The following TNFSF12 variants were observed in gnomAD, a reference collection of about 807,000 sequenced individuals.
TNFSF12 encodes tumor necrosis factor ligand superfamily member 12.
TNFSF12 carries 16 observed loss-of-function variants against 31.2 expected under a neutral mutation model. The ratio of observed to expected loss-of-function variants is 0.51; its 90% CI spans 0.35 to 0.78. The LOEUF (loss-of-function observed/expected upper bound fraction) is 0.78. Ranked by LOEUF, TNFSF12 falls within the 30% of genes least tolerant of loss-of-function variation. The pLI is 0.01. For synonymous variants in TNFSF12, 150 were observed against 151.4 expected, an observed-to-expected ratio of 0.99 and a Z score of 0.07; for missense variants, 324 against 338.8, an observed-to-expected ratio of 0.96 and a Z score of 0.34.
At position 7,550,340 on chromosome 17, in the gene TNFSF12, C is replaced by A; in HGVS notation, c.283+145C>A. 2 of 1,250,996 alleles carry A rather than the reference C, an allele frequency of 1.6e-6. No homozygotes were observed. The allele number at this position is 1,250,996 out of a possible 1,614,324, so 77.5% of individuals were successfully genotyped here. A position where few individuals can be genotyped will look rare whatever the true frequency, so the allele number is the denominator to read the frequency against. On this transcript the variant is annotated intron_variant, in intron 3 of 6. Transcript: ENST00000293825. The surrounding 1 kb of genome is among the most constrained non-coding windows in gnomAD (Gnocchi z 4.4). ...CTCAAACCTAGGGATTCTCGCCCTC[C>A]TCTGAAGCTCCTTCTGTCATATGGA...
At position 7,549,455 on chromosome 17, in the gene TNFSF12, G is replaced by C; in HGVS notation, c.160-19G>C. On this transcript the variant is annotated intron_variant, in intron 1 of 6. Coordinates refer to ENST00000293825, the MANE Select transcript of TNFSF12 (RefSeq NM_003809.3). This position sits in a 1 kb window ranked among gnomAD's most constrained non-coding sequence, Gnocchi z 4.1. ...GTCAGGTGGAGCGGCACAGGGTGAC[G>C]CTCCCTCCTTCCCAGCAGGAGCCTG... 2.7e-6 allele frequency: 4 copies of C among 1,502,944 alleles called. No homozygotes were observed. The highest frequency in any genetic ancestry group is 2.5e-5 in the South Asian group (2 of 79,076). The allele number at this position is 1,502,944 out of a possible 1,614,324, so 93.1% of individuals were successfully genotyped here.
chr17:7,557,034 A>G lies in TNFSF12; in HGVS notation c.499-65A>G. On this transcript the variant is annotated intron_variant, in intron 6 of 6. Coordinates refer to ENST00000293825, the MANE Select transcript of TNFSF12 (RefSeq NM_003809.3). This position sits in a 1 kb window ranked among gnomAD's most constrained non-coding sequence, Gnocchi z 5.2. Reference sequence around the variant, plus strand: ...GTGGGATGGGATGCCTGCGTCGCTGAGGAAATTGGAAATTGAGGCGAGGGC... The same window carrying G: ...GTGGGATGGGATGCCTGCGTCGCTGGGGAAATTGGAAATTGAGGCGAGGGC... The G allele has an allele frequency of 6.4e-7, 1 of 1,557,702 alleles. No individual in the cohort carries two copies. Among genetic ancestry groups the G allele is most frequent in the Non-Finnish European group, 8.7e-7 (1 of 1,147,566 alleles).
In TNFSF12 at chr17:7,550,061, G is replaced by C; in HGVS notation, c.208-59G>C. 1 of 1,613,004 alleles carries C rather than the reference G, an allele frequency of 6.2e-7. No individual in the cohort carries two copies. Among genetic ancestry groups the C allele is most frequent in the Admixed American group, 1.7e-5 (1 of 59,962 alleles). Reference sequence around the variant, plus strand: ...GCTGGTGGCTCTCCTGACAGGCCCCGTATGTCTCACTTTATATCTCTGGGA... The same window carrying C: ...GCTGGTGGCTCTCCTGACAGGCCCCCTATGTCTCACTTTATATCTCTGGGA... On this transcript the variant is annotated intron_variant, in intron 2 of 6. Coordinates refer to ENST00000293825, the MANE Select transcript of TNFSF12 (RefSeq NM_003809.3). This position sits in a 1 kb window ranked among gnomAD's most constrained non-coding sequence, Gnocchi z 4.4.
At chr17:7,556,974 A>G in intron 6 of TNFSF12, 72 bp downstream of exon 6, 1 of 1,528,762 alleles carries the variant, frequency 6.5e-7, no homozygotes, top group South Asian at 1.3e-5. Context: ...AGTGGGGGAC[A>G]AGCTACAGGG....
Position 7,550,309 on chromosome 17 carries a change from C to A in TNFSF12, c.283+114C>A. The A allele has an allele frequency of 6.6e-7, 1 of 1,505,272 alleles. No homozygotes were observed. Among genetic ancestry groups the A allele is most frequent in the Non-Finnish European group, 9.1e-7 (1 of 1,097,992 alleles). 93.2% of individuals were successfully genotyped at this position (1,505,272 alleles called of 1,614,324 possible). A position where few individuals can be genotyped will look rare whatever the true frequency, so the allele number is the denominator to read the frequency against. On this transcript the variant is annotated intron_variant, in intron 3 of 6. Transcript: ENST00000293825. The surrounding 1 kb of genome is among the most constrained non-coding windows in gnomAD (Gnocchi z 4.4). ...AGTTCAGAGTCATGCAGCTAACCAG[C>A]CAAGACTCAAACCTAGGGATTCTCG...
intron 5 of TNFSF12, among the ~76,000 whole-genome samples, chr17:7,555,186 CAAT>C (rs2071046884): frequency 6.6e-6 from 1 of 151,812 alleles, no homozygotes; most frequent in African/African-American, 2.4e-5. Context: ...ATGACAAGAA[CAAT>C]AATAAAAGTG....
In TNFSF12 at chr17:7,556,855, G is replaced by A. The variant is rs750825866; in HGVS notation, c.451G>A (p.Gly151Arg). 9 of 1,556,572 alleles carry A rather than the reference G, an allele frequency of 5.8e-6. No individual in the cohort carries two copies. Among genetic ancestry groups the A allele is most frequent in the African/African-American group, 4.1e-5 (3 of 73,000 alleles). Residue 151 changes from glycine (G) to arginine (R), a missense_variant, in exon 6 of 7, where the codon GGG (glycine) becomes AGG (arginine). Physicochemically the swap from Gly to Arg is moderately radical, Grantham distance 125 (BLOSUM62 -2). Transcript: ENST00000293825. ...SSPLRYNRQI[G>R]EFIVTRAGLY... ...CCCTCTGCGCTACAACCGCCAGATC[G>A]GGGAGTTTATAGTCACCCGGGCTGG... is the stretch of plus-strand genomic sequence containing the variant.
intron 5 of TNFSF12, among the ~76,000 whole-genome samples, chr17:7,554,621 A>G (rs918156551): frequency 8.2e-6 from 1 of 122,010 alleles, no homozygotes; most frequent in Non-Finnish European, 1.7e-5. Flanking sequence ...AGCCGGTCAG[A>G]CCCATTTTTT....
In TNFSF12 at chr17:7,557,396, C is replaced by T. The variant is rs756109398; in HGVS notation, c.*46C>T. ...GTCGTCCCAGGCTGCCGGCTCCCCTCGACAGCTCTCTGGGCACCCGGTCCC... is the reference window on the plus strand; with the variant it reads ...GTCGTCCCAGGCTGCCGGCTCCCCTTGACAGCTCTCTGGGCACCCGGTCCC... On this transcript the variant is annotated 3_prime_UTR_variant, in exon 7 of 7. Coordinates refer to ENST00000293825, the MANE Select transcript of TNFSF12 (RefSeq NM_003809.3). The surrounding 1 kb of genome is among the most constrained non-coding windows in gnomAD (Gnocchi z 5.2). 2.0e-5 allele frequency: 31 copies of T among 1,535,968 alleles called. No individual in the cohort carries two copies. The highest frequency in any genetic ancestry group is 1.6e-4 in the South Asian group (13 of 79,854).
chr17:7,553,859 G>A (rs567560247), intron 5 of TNFSF12: 2 of 1,104,604 alleles, frequency 1.8e-6, no homozygotes, highest in South Asian at 4.5e-5. Context: ...GGAGATGAGG[G>A]AACCTTTGCT....
At chr17:7,553,023 C>CTTTTTTTTTTTTTTTTTTT (rs71159509) in intron 5 of TNFSF12, among the ~76,000 whole-genome samples, 1 of 66,054 alleles carries the variant, frequency 1.5e-5, no homozygotes, top group Non-Finnish European at 2.7e-5. Context: ...CAGGGACAAC[C>CTTTTTTTTTTTTTTTTTTT]TTTTTTTTTT....
chr17:7,549,546 C>T lies in TNFSF12; in HGVS notation c.207+25C>T. On this transcript the variant is annotated intron_variant, in intron 2 of 6. Coordinates refer to ENST00000293825, the MANE Select transcript of TNFSF12 (RefSeq NM_003809.3). The surrounding 1 kb of genome is among the most constrained non-coding windows in gnomAD (Gnocchi z 4.1). ...GGTGAGTGGGCGTGGGCGCGGTCTG[C>T]AGGCTGCTGGGGCATGGGAAGTGTG... The T allele has an allele frequency of 6.5e-7, 1 of 1,533,088 alleles. No individual in the cohort carries two copies. The allele number at this position is 1,533,088 out of a possible 1,614,324, so 95.0% of individuals were successfully genotyped here.
Position 7,549,092 on chromosome 17 carries a change from T to G in TNFSF12, c.-62T>G, listed in dbSNP as rs1246343343. 1 of 1,012,794 alleles carries G rather than the reference T, an allele frequency of 9.9e-7. No individual in the cohort carries two copies. Among genetic ancestry groups the G allele is most frequent in the African/African-American group, 1.8e-5 (1 of 54,294 alleles). The allele number at this position is 1,012,794 out of a possible 1,614,324, so 62.7% of individuals were successfully genotyped here. On this transcript the variant is annotated 5_prime_UTR_variant, in exon 1 of 7. Transcript: ENST00000293825. This position sits in a 1 kb window ranked among gnomAD's most constrained non-coding sequence, Gnocchi z 4.1. ...GCCCGATCCGCCCGCCGGCTCCCCC[T>G]CCCCCGATCCCTCGGGTCCCGGGAT...
At chr17:7,552,472 C>T (rs975890879) in intron 5 of TNFSF12, among the ~76,000 whole-genome samples, 4 of 152,024 alleles carry the variant, frequency 2.6e-5, no homozygotes, top group East Asian at 3.9e-4. Context: ...AGATTATAGG[C>T]GGGTGCCACC....
Position 7,556,814 on chromosome 17 carries a change from G to C in TNFSF12, c.410G>C (p.Arg137Thr), listed in dbSNP as rs1433258137. The C allele has an allele frequency of 3.9e-6, 6 of 1,549,988 alleles. No individual in the cohort carries two copies. In the African/African-American group the frequency reaches 4.1e-5, roughly 11 times the overall value. ...ACAGTGAGTGGCTGGGAGGAAGCCA[G>C]AATCAACAGCTCCAGCCCTCTGCGC... ...DGTVSGWEEA[R>T]INSSSPLRYN... Residue 137 changes from arginine to threonine, a missense_variant, in exon 6 of 7, where the codon AGA becomes ACA. Coordinates refer to ENST00000293825, the MANE Select transcript of TNFSF12 (RefSeq NM_003809.3).
chr17:7,550,592 C>T lies in TNFSF12; in HGVS notation c.284-207C>T, dbSNP rs988964564. 6.6e-6 allele frequency among the ~76,000 whole-genome samples: 1 copy of T among 151,992 alleles called. No individual in the cohort carries two copies. Among genetic ancestry groups the T allele is most frequent in the Non-Finnish European group, 1.5e-5 (1 of 67,990 alleles). ...TCTCGGTGTGATTAATAGCAGCTTC[C>T]CGTTTTGCTCTCAGCAGTATCCCAG... On this transcript the variant is annotated intron_variant, in intron 3 of 6. Coordinates refer to ENST00000293825, the MANE Select transcript of TNFSF12 (RefSeq NM_003809.3). The surrounding 1 kb of genome is among the most constrained non-coding windows in gnomAD (Gnocchi z 4.4).
Position 7,549,382 on chromosome 17 carries a change from C to A in TNFSF12, c.159+70C>A. On this transcript the variant is annotated intron_variant, in intron 1 of 6. Transcript: ENST00000293825. This position sits in a 1 kb window ranked among gnomAD's most constrained non-coding sequence, Gnocchi z 4.1. ...AGACTGCAGAGGGGCCGCTGGGGGC[C>A]GCGTGGGCTGAAGGCAAGGGGAAGG... The A allele has an allele frequency of 7.1e-7, 1 of 1,409,786 alleles. No individual in the cohort carries two copies. Among genetic ancestry groups the A allele is most frequent in the South Asian group, 1.6e-5 (1 of 64,124 alleles). The allele number at this position is 1,409,786 out of a possible 1,614,324, so 87.3% of individuals were successfully genotyped here.
chr17:7,556,227 C>A lies in TNFSF12; in HGVS notation c.374-551C>A, dbSNP rs1240840182. Reference sequence around the variant, plus strand: ...AACTCCCGACCTCAGGTGATCCGCCCACCTTGGCCTCTCAAAATGCCGGGA... The same window carrying A: ...AACTCCCGACCTCAGGTGATCCGCCAACCTTGGCCTCTCAAAATGCCGGGA... On this transcript the variant is annotated intron_variant, in intron 5 of 6. Coordinates refer to ENST00000293825, the MANE Select transcript of TNFSF12 (RefSeq NM_003809.3). 7.2e-5 allele frequency among the ~76,000 whole-genome samples: 11 copies of A among 152,064 alleles called. No individual in the cohort carries two copies. In the East Asian group the frequency reaches 1.5e-3, roughly 21 times the overall value.
chr17:7,556,876 G>T lies in TNFSF12; in HGVS notation c.472G>T (p.Ala158Ser). 1 of 1,539,732 alleles carries T rather than the reference G, an allele frequency of 6.5e-7. No individual in the cohort carries two copies. The change falls in exon 6 of 7, where the codon GCT becomes TCT. Residue 158 changes from alanine (A) to serine (S), a missense_variant. Ala to Ser is a moderately conservative substitution (Grantham distance 99, BLOSUM62 1). Transcript: ENST00000293825. ...GATCGGGGAGTTTATAGTCACCCGG[G>T]CTGGGCTCTACTACCTGTACTGTCA... ...RQIGEFIVTR[A>S]GLYYLYCQVH...
Sources: allele counts gnomAD v4.1 joint callset (sites outside exome capture counted in the v4.1 genomes callset), GRCh38; gene constraint gnomAD v4.1.1; non-coding constraint Gnocchi (gnomAD v3.1); transcripts MANE v1.5; gene names NCBI Gene and HGNC (gene_info 2026-07-23, HGNC 2026-07-21).